The following FAXDC2 variants were observed in gnomAD, a reference collection of about 807,000 sequenced individuals.
FAXDC2 encodes the protein fatty acid hydroxylase domain containing 2.
FAXDC2 carries 41 observed loss-of-function variants against 40.9 expected under a neutral mutation model. The ratio of observed to expected loss-of-function variants is 1.00; its 90% CI spans 0.78 to 1.30. The LOEUF (loss-of-function observed/expected upper bound fraction) is 1.30, where lower values mean the gene tolerates loss of function less well. Ranked by LOEUF, FAXDC2 falls within the 50% of genes most tolerant of loss-of-function variation. FAXDC2 has a pLI of 0.00. For synonymous variants in FAXDC2, 157 were observed against 149.3 expected (o/e 1.05, Z -0.38); for missense variants, 390 against 408.8 (o/e 0.95, Z 0.40).
intron 1 of FAXDC2, among the ~76,000 whole-genome samples, chr5:154,843,570 A>G (rs1209477631): frequency 6.6e-6 from 1 of 152,232 alleles, no homozygotes; most frequent in Non-Finnish European, 1.5e-5. Flanking sequence ...TAGGAAGACA[A>G]TGTCCAGGCT....
In FAXDC2 at chr5:154,822,673, T is replaced by C. The variant is rs1313454840; in HGVS notation, c.573-96A>G. 4.5e-6 allele frequency: 4 copies of C among 892,810 alleles called. No homozygotes were observed. In the African/African-American group the frequency reaches 4.9e-5, roughly 11 times the overall value. The allele number at this position is 892,810 out of a possible 1,614,324, so 55.3% of individuals were successfully genotyped here. A position where few individuals can be genotyped will look rare whatever the true frequency, so the allele number is the denominator to read the frequency against. On this transcript the variant is annotated intron_variant, in intron 6 of 8. Coordinates refer to ENST00000326080, the MANE Select transcript of FAXDC2 (RefSeq NM_032385.5). ...CCAAAAATAGGAACTAGGGGTTACA[T>C]CCATGGAGCAAAGTTAACAACACCA...
chr5:154,824,651 T>C, intron 5 of FAXDC2: 1 of 688,048 alleles, frequency 1.5e-6, no homozygotes. Context: ...CATTTATTTA[T>C]TTAACTGATA....
At position 154,821,260 on chromosome 5, in the gene FAXDC2, T is replaced by C; in HGVS notation, c.845A>G (p.Lys282Arg). The C allele has an allele frequency of 6.2e-7, 1 of 1,611,296 alleles. No individual in the cohort carries two copies. The highest frequency in any genetic ancestry group is 8.5e-7 in the Non-Finnish European group (1 of 1,178,680). Residue 282 changes from lysine (K) to arginine (R), a missense_variant and splice_region_variant, in exon 8 of 9, where the codon AAG becomes AGG. Coordinates refer to ENST00000326080, the MANE Select transcript of FAXDC2 (RefSeq NM_032385.5). Reference protein sequence around the residue: ...SPEFHDYHHLKFNQCYGVLGV... With the variant: ...SPEFHDYHHLRFNQCYGVLGV... ...CCCATTGTGGGGAGAAGGTCCTTAC[T>C]TGAGATGGTGGTAGTCGTGGAATTC...
At chr5:154,833,344 A>AT (rs1170210260) in intron 4 of FAXDC2, among the ~76,000 whole-genome samples, 73 of 145,728 alleles carry the variant, frequency 5.0e-4, no homozygotes, top group African/African-American at 1.7e-3. Flanking sequence ...GCCTATCTTA[A>AT]TTTTTGTTTT....
intron 1 of FAXDC2, among the ~76,000 whole-genome samples, chr5:154,849,661 A>T (rs905935742): frequency 6.6e-6 from 1 of 152,240 alleles, no homozygotes; most frequent in Non-Finnish European, 1.5e-5. Context: ...GCTGATGCTC[A>T]GTGCATCTGT....
intron 1 of FAXDC2, chr5:154,838,723 G>C (rs1760413137): frequency 6.4e-6 from 1 of 155,246 alleles, no homozygotes; most frequent in African/African-American, 2.4e-5. Context: ...TCAGCCTCCT[G>C]AGTAGCTGGG....
intron 1 of FAXDC2, chr5:154,838,552 A>T (rs1490998042): frequency 4.0e-6 from 1 of 249,178 alleles, no homozygotes; most frequent in East Asian, 1.5e-4. Context: ...AAGAGAAAAA[A>T]ATGAACTTAC....
At chr5:154,820,498 G>T in intron 8 of FAXDC2, 26 bp from the exon 9 acceptor site, 1 of 1,587,824 alleles carries the variant, frequency 6.3e-7, no homozygotes, top group Non-Finnish European at 8.6e-7. Context: ...CGGCACTGCA[G>T]TGCCCATGCT....
At chr5:154,848,527 A>G (rs1181185382) in intron 1 of FAXDC2, among the ~76,000 whole-genome samples, 1 of 152,086 alleles carries the variant, frequency 6.6e-6, no homozygotes, top group Non-Finnish European at 1.5e-5. Context: ...TGAGCAGTCG[A>G]CCTCCAGGGC....
chr5:154,840,246 T>C (rs898984455), intron 1 of FAXDC2, among the ~76,000 whole-genome samples: 5 of 152,204 alleles, frequency 3.3e-5, no homozygotes, highest in African/African-American at 1.2e-4. Context: ...TTGACCCATT[T>C]TTTTTATTAT....
chr5:154,844,056 T>C (rs924306813), intron 1 of FAXDC2, among the ~76,000 whole-genome samples: 9 of 151,936 alleles, frequency 5.9e-5, no homozygotes, highest in Middle Eastern at 3.4e-3. Flanking sequence ...CTACCTCTAC[T>C]AAAAATACAA....
Position 154,850,496 on chromosome 5 carries a change from T to C in FAXDC2, c.-14A>G, listed in dbSNP as rs1042918240. 1.3e-5 allele frequency: 2 copies of C among 152,340 alleles called. No homozygotes were observed. The highest frequency in any genetic ancestry group is 2.9e-5 in the Non-Finnish European group (2 of 68,144). The allele number at this position is 152,340 out of a possible 1,614,324, so 9.4% of individuals were successfully genotyped here. A position where few individuals can be genotyped will look rare whatever the true frequency, so the allele number is the denominator to read the frequency against. On this transcript the variant is annotated 5_prime_UTR_variant, in exon 1 of 9. Coordinates refer to ENST00000326080, the MANE Select transcript of FAXDC2 (RefSeq NM_032385.5). ...GTTCCCACTTACCTCTGCAGTGGGC[T>C]GTGTCCAAGCTGCTGAGGTCCTTGC...
At chr5:154,846,268 T>TGTGTG (rs1561662366) in intron 1 of FAXDC2, among the ~76,000 whole-genome samples, 3 of 118,284 alleles carry the variant, frequency 2.5e-5, no homozygotes, top group African/African-American at 9.6e-5. Flanking sequence ...GTGAACTAGA[T>TGTGTG]AGTGTGTGTG....
At chr5:154,838,467 G>A in intron 1 of FAXDC2, 2 of 387,650 alleles carry the variant, frequency 5.2e-6, no homozygotes, top group Non-Finnish European at 9.3e-6. Context: ...TAAGAGACAG[G>A]GTCCCACTAC....
At chr5:154,841,013 C>T (rs531201178) in intron 1 of FAXDC2, among the ~76,000 whole-genome samples, 1 of 151,582 alleles carries the variant, frequency 6.6e-6, no homozygotes, top group Non-Finnish European at 1.5e-5. Context: ...GTACAGTTAG[C>T]TCAGAGGAAG....
At chr5:154,846,152 G>C (rs1184875917) in intron 1 of FAXDC2, among the ~76,000 whole-genome samples, 1 of 151,904 alleles carries the variant, frequency 6.6e-6, no homozygotes, top group Non-Finnish European at 1.5e-5. Flanking sequence ...TATACCAACT[G>C]AGACTACAAA....
At chr5:154,830,678 C>A (rs988318145) in intron 5 of FAXDC2, 123 bp downstream of exon 5, 34 of 1,109,988 alleles carry the variant, frequency 3.1e-5, no homozygotes, top group Admixed American at 1.4e-4. Flanking sequence ...ACTGGGGGAG[C>A]CTTGTTGCTA....
At chr5:154,838,205 G>C in intron 1 of FAXDC2, 27 bp from the exon 2 acceptor site, 1 of 1,609,002 alleles carries the variant, frequency 6.2e-7, no homozygotes, top group Non-Finnish European at 8.5e-7. Flanking sequence ...CAGGCGAGCC[G>C]GGGAGTTATT....
chr5:154,821,790 T>A (rs1366673249), intron 7 of FAXDC2, among the ~76,000 whole-genome samples: 1 of 151,792 alleles, frequency 6.6e-6, no homozygotes, highest in Non-Finnish European at 1.5e-5. Context: ...TACAAAAAAA[T>A]TTAAAAATTA....
Sources: allele counts gnomAD v4.1 joint callset (sites outside exome capture counted in the v4.1 genomes callset), GRCh38; gene constraint gnomAD v4.1.1; transcripts MANE v1.5; gene names NCBI Gene and HGNC (gene_info 2026-07-23, HGNC 2026-07-21).